The following PLPP4 variants were observed in gnomAD, a reference collection of about 807,000 sequenced individuals.
The protein encoded by PLPP4 is diacylglycerol pyrophosphate like 2.
Under a neutral mutation model 32.2 loss-of-function variants are expected in PLPP4, and 20 were observed. The observed-to-expected ratio is 0.62, with a 90% CI of 0.44 to 0.90. PLPP4 has a LOEUF of 0.90. PLPP4 is among the 40% of genes least tolerant of loss of function. PLPP4 has a pLI of 0.00. For missense variants in PLPP4, 257 were observed against 353.1 expected, an observed-to-expected ratio of 0.73 and a Z score of 2.18; for synonymous variants, 127 against 133.0, an observed-to-expected ratio of 0.95 and a Z score of 0.31.
chr10:120,490,771 G>A (rs1242906299), intron 1 of PLPP4, among the ~76,000 whole-genome samples: 1 of 152,218 alleles, frequency 6.6e-6, no homozygotes. Flanking sequence ...AAGGCCTGAT[G>A]CCACCTGTGC....
intron 5 of PLPP4, among the ~76,000 whole-genome samples, chr10:120,549,545 T>G (rs141929786): frequency 6.6e-6 from 1 of 151,976 alleles, no homozygotes; most frequent in Non-Finnish European, 1.5e-5. Flanking sequence ...ATAATCCTGA[T>G]AACAAAATCT....
chr10:120,486,229 A>G (rs1399409393), intron 1 of PLPP4, among the ~76,000 whole-genome samples: 3 of 149,436 alleles, frequency 2.0e-5, no homozygotes, highest in African/African-American at 7.4e-5. Context: ...GTCAACCTCC[A>G]TCTGTGAGAG....
intron 3 of PLPP4, 78 bp downstream of exon 3, chr10:120,514,079 C>A: frequency 9.3e-7 from 1 of 1,078,978 alleles, no homozygotes; most frequent in Non-Finnish European, 1.4e-6. Context: ...ATCTCAGTTA[C>A]ACCCAACTGA....
intron 2 of PLPP4, among the ~76,000 whole-genome samples, chr10:120,507,813 C>T (rs1845566550): frequency 6.6e-6 from 1 of 152,100 alleles, no homozygotes. Flanking sequence ...TAATTACAAG[C>T]TAATTCAGTG....
At chr10:120,492,190 T>C (rs1844752314) in intron 1 of PLPP4, among the ~76,000 whole-genome samples, 1 of 152,194 alleles carries the variant, frequency 6.6e-6, no homozygotes, top group African/African-American at 2.4e-5. Flanking sequence ...CTCTGTCAGC[T>C]GCTGCACCCA....
chr10:120,474,374 C>G (rs1284068946), intron 1 of PLPP4, among the ~76,000 whole-genome samples: 1 of 152,102 alleles, frequency 6.6e-6, no homozygotes, highest in African/African-American at 2.4e-5. Context: ...CTAAAATCTA[C>G]CTGTTTTACA....
chr10:120,536,946 CA>C, intron 5 of PLPP4, among the ~76,000 whole-genome samples: 1 of 152,220 alleles, frequency 6.6e-6, no homozygotes, highest in South Asian at 2.1e-4. Flanking sequence ...GATATATTAA[CA>C]GCACTAATTA....
At position 120,590,767 on chromosome 10, in the gene PLPP4, C is replaced by CTTTT. The variant is rs11420059; in HGVS notation, c.*1280_*1283dup. ...TGCATCTTTGCTATCCAGAGTGTCA[C>CTTTT]TTTTTTTTTTTTTTTTTTGAGATGG... is the stretch of plus-strand genomic sequence containing the variant. On this transcript the variant is annotated 3_prime_UTR_variant, in exon 7 of 7. Transcript: ENST00000398250. 1.6e-5 allele frequency among the ~76,000 whole-genome samples: 2 copies of CTTTT among 126,200 alleles called. No individual in the cohort carries two copies. The highest frequency in any genetic ancestry group is 2.4e-4 in the East Asian group (1 of 4,088). The allele number at this position is 126,200 out of a possible 152,430, so 82.8% of individuals were successfully genotyped here.
At chr10:120,535,424 A>C (rs991726234) in intron 5 of PLPP4, among the ~76,000 whole-genome samples, 13 of 152,126 alleles carry the variant, frequency 8.5e-5, no homozygotes, top group African/African-American at 3.1e-4. Context: ...CTGAAAATTT[A>C]TTCTCCATCT....
At chr10:120,466,909 A>T (rs1402556358) in intron 1 of PLPP4, among the ~76,000 whole-genome samples, 2 of 152,126 alleles carry the variant, frequency 1.3e-5, no homozygotes, top group African/African-American at 4.8e-5. Flanking sequence ...GTGGAGATAC[A>T]GGTCAATGAA....
At chr10:120,572,407 G>A (rs1848986299) in intron 5 of PLPP4, among the ~76,000 whole-genome samples, 1 of 152,202 alleles carries the variant, frequency 6.6e-6, no homozygotes, top group Admixed American at 6.5e-5. Flanking sequence ...TGACTTATAT[G>A]TCTTAAAGTC....
intron 5 of PLPP4, among the ~76,000 whole-genome samples, chr10:120,562,713 C>T (rs897411539): frequency 6.6e-6 from 1 of 152,132 alleles, no homozygotes; most frequent in African/African-American, 2.4e-5. Flanking sequence ...GCTTTAATTC[C>T]TGGAATTAAC....
intron 2 of PLPP4, among the ~76,000 whole-genome samples, chr10:120,507,367 CATCATCATCATCATCATCATT>C (rs1334176057): frequency 2.6e-5 from 4 of 151,922 alleles, no homozygotes; most frequent in Admixed American, 6.6e-5. Flanking sequence ...TCATTATCAT[CATCATCATCATCATCATCATT>C]ATCATCATCA....
intron 5 of PLPP4, among the ~76,000 whole-genome samples, chr10:120,533,137 C>T (rs1589832924): frequency 6.6e-6 from 1 of 152,320 alleles, no homozygotes; most frequent in African/African-American, 2.4e-5. Flanking sequence ...TTCTGACCAA[C>T]AGACTGACAT....
At chr10:120,467,316 C>A (rs1564776152) in intron 1 of PLPP4, among the ~76,000 whole-genome samples, 1 of 63,684 alleles carries the variant, frequency 1.6e-5, no homozygotes, top group African/African-American at 3.3e-5. Context: ...GGTCTCAATC[C>A]TCTTACCTCG....
At chr10:120,580,755 AGT>A (rs1849468051) in intron 6 of PLPP4, 16 of 581,866 alleles carry the variant, frequency 2.7e-5, no homozygotes, top group Non-Finnish European at 4.3e-5. Context: ...TTCTAAATGA[AGT>A]GACTTGAAAA....
At chr10:120,524,930 T>C (rs568322778) in intron 5 of PLPP4, among the ~76,000 whole-genome samples, 3 of 147,764 alleles carry the variant, frequency 2.0e-5, no homozygotes, top group South Asian at 4.2e-4. Context: ...AGAGGATAGA[T>C]ATGAGAGAAA....
chr10:120,507,344 T>TTCATCATAATCATCA (rs1845534743), intron 2 of PLPP4, among the ~76,000 whole-genome samples: 1 of 94,078 alleles, frequency 1.1e-5, no homozygotes, highest in Non-Finnish European at 2.3e-5. Context: ...AGGGAAGTTC[T>TTCATCATAATCATCA]TCATCATCAT....
At chr10:120,559,123 T>G (rs1848300902) in intron 5 of PLPP4, among the ~76,000 whole-genome samples, 1 of 152,236 alleles carries the variant, frequency 6.6e-6, no homozygotes, top group African/African-American at 2.4e-5. Context: ...TTCATTAGTT[T>G]AATGGATCTT....
Sources: allele counts gnomAD v4.1 joint callset (sites outside exome capture counted in the v4.1 genomes callset), GRCh38; gene constraint gnomAD v4.1.1; transcripts MANE v1.5; gene names NCBI Gene and HGNC (gene_info 2026-07-23, HGNC 2026-07-21).